The following AVEN variants were observed in gnomAD, a reference collection of about 807,000 sequenced individuals.
AVEN encodes apoptosis and caspase activation inhibitor.
In AVEN, 41 loss-of-function variants were observed where a neutral mutation model predicts 38.1. The observed-to-expected ratio is 1.08, with a 90% confidence interval of 0.84 to 1.40. The LOEUF is 1.40. Ranked by LOEUF, AVEN falls within the 40% of genes most tolerant of loss-of-function variation. AVEN has a pLI of 0.00. For synonymous variants in AVEN, 206 were observed against 171.8 expected (o/e 1.20, Z -1.56); for missense variants, 605 against 438.8 (o/e 1.38, Z -3.38).
chr15:33,938,328 A>G (rs992414291), intron 2 of AVEN, among the ~76,000 whole-genome samples: 41 of 152,128 alleles, frequency 2.7e-4, no homozygotes, highest in Non-Finnish European at 3.8e-4. Flanking sequence ...GGTGGTGGGC[A>G]CCTGTAGTAC....
chr15:33,916,496 A>C (rs1395669152), intron 2 of AVEN, among the ~76,000 whole-genome samples: 1 of 152,210 alleles, frequency 6.6e-6, no homozygotes, highest in African/African-American at 2.4e-5. Flanking sequence ...GCAGGAAAAA[A>C]AACAAAGAAT....
At chr15:33,941,614 T>G (rs612535) in intron 2 of AVEN, among the ~76,000 whole-genome samples, 86,679 of 151,984 alleles carry the variant, frequency 0.57, 27,854 homozygotes, top group East Asian at 0.77. Context: ...TAAGCAAAAG[T>G]TAATTAAAAT....
chr15:34,061,827 G>GGAGA (rs1171977483), intron 5 of AVEN, among the ~76,000 whole-genome samples: 2 of 152,196 alleles, frequency 1.3e-5, no homozygotes, highest in Non-Finnish European at 2.9e-5. Flanking sequence ...ATTAGGGCAA[G>GGAGA]GAGAGGTGGT....
chr15:33,999,984 T>A (rs1897076682), intron 2 of AVEN, among the ~76,000 whole-genome samples: 1 of 152,222 alleles, frequency 6.6e-6, no homozygotes, highest in Non-Finnish European at 1.5e-5. Flanking sequence ...CCCCATCGCA[T>A]ATTCGCTCAC....
intron 1 of AVEN, among the ~76,000 whole-genome samples, chr15:34,031,507 C>T (rs1201512452): frequency 6.6e-6 from 1 of 152,154 alleles, no homozygotes; most frequent in Non-Finnish European, 1.5e-5. Context: ...TTTGCTATCC[C>T]TCAATGTAAG....
intron 5 of AVEN, among the ~76,000 whole-genome samples, chr15:34,054,922 G>A (rs71464844): frequency 0.18 from 27,145 of 152,254 alleles, 2,755 homozygotes; most frequent in Middle Eastern, 0.28. Flanking sequence ...GCTGGGTGCG[G>A]TGGCTCACAC....
chr15:33,942,634 G>T (rs998459988), intron 2 of AVEN, among the ~76,000 whole-genome samples: 1 of 152,024 alleles, frequency 6.6e-6, no homozygotes, highest in African/African-American at 2.4e-5. Flanking sequence ...TGTATTTTTA[G>T]TAGAGACGGG....
At chr15:33,859,277 C>T (rs1245460547) in intron 11 of AVEN, among the ~76,000 whole-genome samples, 1 of 152,230 alleles carries the variant, frequency 6.6e-6, no homozygotes, top group African/African-American at 2.4e-5. Context: ...TATTATATGG[C>T]ATAGGCCATA....
chr15:34,063,674 T>C lies in AVEN; in HGVS notation n.1127-242A>G. On this transcript the variant is annotated intron_variant and non_coding_transcript_variant, in intron 4 of 11. Coordinates refer to the AVEN transcript ENST00000675287. The surrounding 1 kb of genome is among the most constrained non-coding windows in gnomAD (Gnocchi z 4.1). Reference sequence around the variant, plus strand: ...ATGAGGACAAGCCCGCCACTGACCCTGTCCTCCAAGTGGTCTACAAGAGTC... The same window carrying C: ...ATGAGGACAAGCCCGCCACTGACCCCGTCCTCCAAGTGGTCTACAAGAGTC... 6.2e-7 allele frequency: 1 copy of C among 1,614,166 alleles called. No individual in the cohort carries two copies. Among genetic ancestry groups the C allele is most frequent in the Non-Finnish European group, 8.5e-7 (1 of 1,180,036 alleles).
chr15:33,855,810 G>A (rs940839240), downstream of AVEN: 5 of 152,118 alleles, frequency 3.3e-5, no homozygotes, highest in Admixed American at 2.0e-4. Context: ...TGGAAGACTG[G>A]ATATTGATGA....
chr15:33,993,248 G>A (rs777867091), intron 2 of AVEN, among the ~76,000 whole-genome samples: 1 of 152,130 alleles, frequency 6.6e-6, no homozygotes, highest in African/African-American at 2.4e-5. Context: ...CTCTTGAAAC[G>A]TAACTTAGAA....
At chr15:33,917,395 CA>C (rs143045401) in intron 2 of AVEN, among the ~76,000 whole-genome samples, 128,509 of 141,400 alleles carry the variant, frequency 0.91, 58,006 homozygotes, top group East Asian at 0.97. Context: ...CACACACACA[CA>C]CATGGAATAC....
chr15:33,947,096 G>T (rs1894536823), intron 2 of AVEN, among the ~76,000 whole-genome samples: 1 of 152,192 alleles, frequency 6.6e-6, no homozygotes, highest in Admixed American at 6.5e-5. Context: ...ACTGGTGGAA[G>T]AGGTGGAGGG....
chr15:34,016,470 T>C (rs963568659), intron 1 of AVEN, among the ~76,000 whole-genome samples: 4 of 152,096 alleles, frequency 2.6e-5, no homozygotes, highest in African/African-American at 9.7e-5. Flanking sequence ...TGTGGCCACA[T>C]GACTCTTTTT....
At chr15:34,023,445 G>A (rs899012388) in intron 1 of AVEN, among the ~76,000 whole-genome samples, 1 of 152,090 alleles carries the variant, frequency 6.6e-6, no homozygotes, top group East Asian at 1.9e-4. Context: ...AATGATAGCC[G>A]ATACACACCA....
At chr15:33,961,594 A>T (rs111749399) in intron 2 of AVEN, among the ~76,000 whole-genome samples, 12,843 of 151,786 alleles carry the variant, frequency 0.085, 1,702 homozygotes, top group African/African-American at 0.28. Context: ...TGGGCGAATC[A>T]CGAGGTCAGG....
chr15:33,866,466 CAGAGGTAGGCATT>C lies in AVEN; in HGVS notation c.*134_*146del. On this transcript the variant is annotated 3_prime_UTR_variant, in exon 6 of 6. Coordinates refer to ENST00000306730, the MANE Select transcript of AVEN (RefSeq NM_020371.3). Reference sequence around the variant, plus strand: ...AATGTATTCTTTCAGATGTCAAACACAGAGGTAGGCATTTACTGCTGTGAGCATAATGGAACAC... The same window carrying C: ...AATGTATTCTTTCAGATGTCAAACACTACTGCTGTGAGCATAATGGAACAC... 1 of 610,492 alleles carries C rather than the reference CAGAGGTAGGCATT, an allele frequency of 1.6e-6. No homozygotes were observed. The highest frequency in any genetic ancestry group is 2.9e-6 in the Non-Finnish European group (1 of 342,618). The allele number at this position is 610,492 out of a possible 1,614,324, so 37.8% of individuals were successfully genotyped here.
intron 2 of AVEN, among the ~76,000 whole-genome samples, chr15:33,940,051 G>A (rs994536897): frequency 6.6e-6 from 1 of 152,190 alleles, no homozygotes; most frequent in African/African-American, 2.4e-5. Flanking sequence ...GAGGAACCAT[G>A]AAGCAGGCCC....
chr15:33,865,298 C>T, downstream of AVEN: 1 of 1,007,970 alleles, frequency 9.9e-7, no homozygotes, highest in African/African-American at 1.6e-5. Flanking sequence ...TTTTACAGTT[C>T]TGCAACATAT....
Sources: allele counts gnomAD v4.1 joint callset (sites outside exome capture counted in the v4.1 genomes callset), GRCh38; gene constraint gnomAD v4.1.1; non-coding constraint Gnocchi (gnomAD v3.1); transcripts MANE v1.5; gene names NCBI Gene and HGNC (gene_info 2026-07-23, HGNC 2026-07-21).